RAB11FIP4: variants seen among roughly 807,000 people sequenced by gnomAD.
The protein encoded by RAB11FIP4 is rab11 family-interacting protein 4.
A neutral mutation model predicts 74.3 loss-of-function variants in RAB11FIP4; 23 were observed. That is an observed-to-expected ratio of 0.31 (90% confidence interval 0.22 to 0.44). The LOEUF is 0.44. Among genes scored for constraint, RAB11FIP4 ranks in the 20% least tolerant of loss-of-function variants. The probability of loss-of-function intolerance (pLI) is 1.00; values close to 1 mark genes in which losing one functional copy is unlikely to be tolerated. For missense variants in RAB11FIP4, 630 were observed against 863.9 expected, an observed-to-expected ratio of 0.73 and a Z score of 3.39; for synonymous variants, 360 against 359.9, an observed-to-expected ratio of 1.00 and a Z score of 0.00.
intron 3 of RAB11FIP4, among the ~76,000 whole-genome samples, chr17:31,478,870 C>T (rs770879875): frequency 3.7e-4 from 56 of 152,232 alleles, no homozygotes; most frequent in Non-Finnish European, 6.8e-4. Context: ...ACAGCAGACA[C>T]CTGCAACCCA....
Position 31,536,860 on chromosome 17 carries a change from C to A in RAB11FIP4, c.*5128C>A, listed in dbSNP as rs1551359. 6 of 397,402 alleles carry A rather than the reference C, an allele frequency of 1.5e-5. No individual in the cohort carries two copies. The highest frequency in any genetic ancestry group is 1.3e-5 in the Non-Finnish European group (3 of 225,924). The allele number at this position is 397,402 out of a possible 1,614,324, so 24.6% of individuals were successfully genotyped here. ...TTCTAGAAAGATTTGTTTCTAAAAGCGTAGACCCTGGGGAAGTATAATGTC... is the reference window on the plus strand; with the variant it reads ...TTCTAGAAAGATTTGTTTCTAAAAGAGTAGACCCTGGGGAAGTATAATGTC... On this transcript the variant is annotated 3_prime_UTR_variant, in exon 15 of 15. Transcript: ENST00000621161.
intron 4 of RAB11FIP4, 122 bp from the exon 5 acceptor site, chr17:31,521,044 C>A (rs2072654753): frequency 1.4e-6 from 1 of 731,302 alleles, no homozygotes; most frequent in Non-Finnish European, 2.2e-6. Context: ...CTTACCAGGT[C>A]AAGAGCTACA....
In RAB11FIP4 at chr17:31,428,577, G is replaced by A. The variant is rs375397218; in HGVS notation, c.160-3236G>A. ...GCAAGATGCCTGACAAGGAGTGTGA[G>A]CGTGTACACATGTGTATGCACTATT... On this transcript the variant is annotated intron_variant, in intron 1 of 14. Coordinates refer to ENST00000621161, the MANE Select transcript of RAB11FIP4 (RefSeq NM_032932.6). Among the ~76,000 whole-genome samples, 182 of 152,196 alleles carry A rather than the reference G, an allele frequency of 1.2e-3. 1 individual carries two copies. In the South Asian group the frequency reaches 0.034, roughly 29 times the overall value.
chr17:31,404,436 C>T (rs1482251476), intron 1 of RAB11FIP4, among the ~76,000 whole-genome samples: 1 of 152,270 alleles, frequency 6.6e-6, no homozygotes, highest in Non-Finnish European at 1.5e-5. Context: ...GTTTGAGACC[C>T]AGCTCTGCAA....
chr17:31,509,316 G>C (rs1284039626), intron 3 of RAB11FIP4: 4 of 152,394 alleles, frequency 2.6e-5, no homozygotes, highest in African/African-American at 9.6e-5. Context: ...GGGAACCCCA[G>C]TTGTCCCGGT....
intron 3 of RAB11FIP4, among the ~76,000 whole-genome samples, chr17:31,466,994 C>G (rs950515516): frequency 2.6e-5 from 4 of 152,210 alleles, no homozygotes; most frequent in African/African-American, 4.8e-5. Context: ...GCTCTCCTGG[C>G]TCTTGGTGTC....
intron 3 of RAB11FIP4, among the ~76,000 whole-genome samples, chr17:31,435,350 C>G (rs1055033200): frequency 2.6e-5 from 4 of 152,178 alleles, no homozygotes; most frequent in Non-Finnish European, 5.9e-5. Context: ...GGGACAAAGA[C>G]CACAGTCCCC....
At chr17:31,517,191 C>CGGGGGGGGGGGGGGGGG (rs537395833) in intron 3 of RAB11FIP4, among the ~76,000 whole-genome samples, 1 of 42,700 alleles carries the variant, frequency 2.3e-5, no homozygotes, top group African/African-American at 7.4e-5. Context: ...GGAGGCGGTG[C>CGGGGGGGGGGGGGGGGG]GGGGGGGGGG....
At chr17:31,516,492 C>T (rs1439253688) in intron 3 of RAB11FIP4, among the ~76,000 whole-genome samples, 1 of 152,202 alleles carries the variant, frequency 6.6e-6, no homozygotes, top group Non-Finnish European at 1.5e-5. Flanking sequence ...TTTTTTGAGA[C>T]TCAGTCTTGC....
intron 3 of RAB11FIP4, among the ~76,000 whole-genome samples, chr17:31,447,157 G>A (rs559302598): frequency 2.6e-5 from 4 of 152,322 alleles, no homozygotes; most frequent in South Asian, 2.1e-4. Context: ...GGTGGTGGGC[G>A]CCTGTAGTCC....
Position 31,391,973 on chromosome 17 carries a change from G to T in RAB11FIP4, c.121G>T (p.Val41Phe). 3 of 1,367,448 alleles carry T rather than the reference G, an allele frequency of 2.2e-6. No homozygotes were observed. Among genetic ancestry groups the T allele is most frequent in the Non-Finnish European group, 2.8e-6 (3 of 1,058,292 alleles). 84.7% of individuals were successfully genotyped at this position (1,367,448 alleles called of 1,614,324 possible). A position where few individuals can be genotyped will look rare whatever the true frequency, so the allele number is the denominator to read the frequency against. Residue 41 changes from valine to phenylalanine, a missense_variant, in exon 1 of 15, where the codon GTC (valine) becomes TTC (phenylalanine). Transcript: ENST00000621161. ...CGACGGCTTCCTGCGCGTGGAGCGC[G>T]TCGCGGCGCTCGGACTGCGCTTCGG... is the stretch of plus-strand genomic sequence containing the variant. Reference protein sequence around the residue: ...DPDGFLRVERVAALGLRFGQG... With the variant: ...DPDGFLRVERFAALGLRFGQG...
chr17:31,439,813 T>G (rs946715403), intron 3 of RAB11FIP4, among the ~76,000 whole-genome samples: 2 of 152,154 alleles, frequency 1.3e-5, no homozygotes, highest in Non-Finnish European at 2.9e-5. Context: ...GTTTGTTTTG[T>G]TTTTGGTAGA....
At chr17:31,448,215 G>A (rs931457735) in intron 3 of RAB11FIP4, among the ~76,000 whole-genome samples, 1 of 151,926 alleles carries the variant, frequency 6.6e-6, no homozygotes, top group African/African-American at 2.4e-5. Context: ...TTTATGTAAG[G>A]TATTACTGTT....
At chr17:31,478,848 C>T (rs1014594595) in intron 3 of RAB11FIP4, among the ~76,000 whole-genome samples, 1 of 152,214 alleles carries the variant, frequency 6.6e-6, no homozygotes, top group Admixed American at 6.5e-5. Context: ...GACTGAGACA[C>T]TGCTGAGCTG....
chr17:31,449,638 T>A (rs989122241), intron 3 of RAB11FIP4, among the ~76,000 whole-genome samples: 3 of 151,182 alleles, frequency 2.0e-5, no homozygotes, highest in African/African-American at 7.3e-5. Flanking sequence ...AACACCTGGG[T>A]TCAAGCAATC....
In RAB11FIP4 at chr17:31,431,796, C is replaced by G. The variant is rs1291289753; in HGVS notation, c.160-17C>G. On this transcript the variant is annotated splice_polypyrimidine_tract_variant and intron_variant, in intron 1 of 14. Coordinates refer to ENST00000621161, the MANE Select transcript of RAB11FIP4 (RefSeq NM_032932.6). ...ATCCTTGGGTGTCTCACACCTGTCC[C>G]TGCTTCATTCCCACAGGTGGAAAAA... 5.0e-6 allele frequency: 8 copies of G among 1,597,612 alleles called. No homozygotes were observed. Among genetic ancestry groups the G allele is most frequent in the Non-Finnish European group, 6.9e-6 (8 of 1,165,256 alleles).
At chr17:31,515,607 C>T (rs1014504447) in intron 3 of RAB11FIP4, among the ~76,000 whole-genome samples, 1 of 151,998 alleles carries the variant, frequency 6.6e-6, no homozygotes, top group Non-Finnish European at 1.5e-5. Flanking sequence ...GTCTGAGACT[C>T]CAGGAGGCTT....
At chr17:31,440,704 G>C (rs2151631220) in intron 3 of RAB11FIP4, among the ~76,000 whole-genome samples, 1 of 152,336 alleles carries the variant, frequency 6.6e-6, no homozygotes, top group East Asian at 1.9e-4. Context: ...GGGAGGCGGA[G>C]GTTGCAGTGA....
At chr17:31,469,778 G>GTCTA (rs2071720514) in intron 3 of RAB11FIP4, among the ~76,000 whole-genome samples, 1 of 152,180 alleles carries the variant, frequency 6.6e-6, no homozygotes, top group African/African-American at 2.4e-5. Flanking sequence ...GTTTCTGCAT[G>GTCTA]TCTATCCGTA....
Sources: allele counts gnomAD v4.1 joint callset (sites outside exome capture counted in the v4.1 genomes callset), GRCh38; gene constraint gnomAD v4.1.1; transcripts MANE v1.5; gene names NCBI Gene and HGNC (gene_info 2026-07-23, HGNC 2026-07-21).